Variants in CAMK1D observed in about 807,000 individuals in gnomAD.
The protein encoded by CAMK1D is calcium/calmodulin-dependent protein kinase type 1D.
Under a neutral mutation model 47.7 loss-of-function variants are expected in CAMK1D, and 9 were observed. The observed-to-expected ratio is 0.19, with a 90% CI of 0.11 to 0.33. The LOEUF is 0.33. Among genes scored for constraint, CAMK1D ranks in the 10% least tolerant of loss-of-function variants. The probability of loss-of-function intolerance (pLI) is 1.00; values close to 1 mark genes in which losing one functional copy is unlikely to be tolerated. For missense variants in CAMK1D, 291 were observed against 488.7 expected (o/e 0.60, Z 3.81); for synonymous variants, 184 against 184.9 (o/e 0.99, Z 0.04).
At chr10:12,491,787 CTT>C (rs1834391802) in intron 1 of CAMK1D, among the ~76,000 whole-genome samples, 1 of 151,988 alleles carries the variant, frequency 6.6e-6, no homozygotes, top group Non-Finnish European at 1.5e-5. Context: ...TAATGAATTT[CTT>C]TTTTTTCTTT....
At chr10:12,543,781 C>T (rs1011838028) in intron 1 of CAMK1D, among the ~76,000 whole-genome samples, 8 of 152,164 alleles carry the variant, frequency 5.3e-5, no homozygotes, top group African/African-American at 9.7e-5. Context: ...ACTCACTGGT[C>T]GCTTGGACCT....
At chr10:12,688,842 C>A (rs558874807) in intron 3 of CAMK1D, among the ~76,000 whole-genome samples, 1 of 152,256 alleles carries the variant, frequency 6.6e-6, no homozygotes, top group South Asian at 2.1e-4. Context: ...CTCCACCATG[C>A]CCGACTCATT....
At chr10:12,699,998 CA>C (rs59423702) in intron 3 of CAMK1D, among the ~76,000 whole-genome samples, 139 of 146,792 alleles carry the variant, frequency 9.5e-4, no homozygotes, top group Admixed American at 2.3e-3. Context: ...TATTTTGGTG[CA>C]AAAAAAAAAT....
chr10:12,419,522 A>G (rs574307417), intron 1 of CAMK1D, among the ~76,000 whole-genome samples: 1 of 152,140 alleles, frequency 6.6e-6, no homozygotes, highest in South Asian at 2.1e-4. Context: ...CATATTAGAC[A>G]TGAGTCACCG....
In CAMK1D at chr10:12,366,527, C is replaced by T. The variant is rs139131708; in HGVS notation, c.92+16617C>T. Among the ~76,000 whole-genome samples, 651 of 151,552 alleles carry T rather than the reference C, an allele frequency of 4.3e-3. 28 individuals are homozygous for T. The South Asian group carries it at 0.082, about 19-fold the overall frequency. ...AAAAAAAATTAGCCAGGCCTGGTAG[C>T]GCATGCCTGTAATCCTGGCTACTCG... On this transcript the variant is annotated intron_variant, in intron 1 of 10. Coordinates refer to ENST00000619168, the MANE Select transcript of CAMK1D (RefSeq NM_153498.4).
At chr10:12,760,661 C>G (rs1433112089) in intron 3 of CAMK1D, 1 of 263,310 alleles carries the variant, frequency 3.8e-6, no homozygotes, top group Non-Finnish European at 7.4e-6. Context: ...TTTTTTTAAA[C>G]TTTACATCAT....
intron 1 of CAMK1D, among the ~76,000 whole-genome samples, chr10:12,523,782 G>C (rs1835523666): frequency 6.6e-6 from 1 of 152,180 alleles, no homozygotes; most frequent in Admixed American, 6.5e-5. Context: ...GGGAGAGGGA[G>C]CGGGAGAGGT....
chr10:12,529,515 A>T (rs1358460638), intron 1 of CAMK1D, among the ~76,000 whole-genome samples: 1 of 152,218 alleles, frequency 6.6e-6, no homozygotes, highest in Non-Finnish European at 1.5e-5. Context: ...TACCCTCCTT[A>T]TGAATCTGTA....
At chr10:12,695,334 C>T (rs1271643420) in intron 3 of CAMK1D, among the ~76,000 whole-genome samples, 4 of 152,100 alleles carry the variant, frequency 2.6e-5, no homozygotes, top group African/African-American at 9.7e-5. Context: ...TAAGTCCCCA[C>T]CCCTCCAATA....
intron 2 of CAMK1D, among the ~76,000 whole-genome samples, chr10:12,635,479 G>A (rs1370148429): frequency 4.6e-5 from 7 of 152,240 alleles, no homozygotes; most frequent in African/African-American, 1.7e-4. Flanking sequence ...AGCCCACGGC[G>A]CAGTGCAGGA....
At chr10:12,621,610 T>C (rs938270812) in intron 2 of CAMK1D, among the ~76,000 whole-genome samples, 1 of 152,258 alleles carries the variant, frequency 6.6e-6, no homozygotes, top group African/African-American at 2.4e-5. Context: ...TGATTGTAAA[T>C]GGCATTTTAA....
chr10:12,810,125 G>C (rs1222652476), intron 6 of CAMK1D, among the ~76,000 whole-genome samples: 1 of 140,078 alleles, frequency 7.1e-6, no homozygotes, highest in Non-Finnish European at 1.5e-5. Context: ...TTCCAGTCTG[G>C]GTGACAGAGA....
At chr10:12,467,564 G>A (rs1245282482) in intron 1 of CAMK1D, among the ~76,000 whole-genome samples, 1 of 152,150 alleles carries the variant, frequency 6.6e-6, no homozygotes, top group Non-Finnish European at 1.5e-5. Flanking sequence ...TGCACTGAAT[G>A]TCAAAATATT....
At chr10:12,423,207 C>G (rs1840115828) in intron 1 of CAMK1D, among the ~76,000 whole-genome samples, 1 of 152,098 alleles carries the variant, frequency 6.6e-6, no homozygotes, top group African/African-American at 2.4e-5. Flanking sequence ...GACCACTTAG[C>G]TGTATCATAA....
chr10:12,526,560 T>C (rs183982425), intron 1 of CAMK1D, among the ~76,000 whole-genome samples: 166 of 152,302 alleles, frequency 1.1e-3, no homozygotes, highest in South Asian at 2.3e-3. Flanking sequence ...TACGTGATTT[T>C]GCTATTTTGC....
chr10:12,400,599 A>T (rs150744264), intron 1 of CAMK1D, among the ~76,000 whole-genome samples: 1 of 152,184 alleles, frequency 6.6e-6, no homozygotes, highest in East Asian at 1.9e-4. Context: ...ATCCCTACTA[A>T]ATAGTATATA....
chr10:12,748,496 A>C (rs1338622551), intron 3 of CAMK1D, among the ~76,000 whole-genome samples: 1 of 152,190 alleles, frequency 6.6e-6, no homozygotes, highest in East Asian at 1.9e-4. Context: ...AGAGGAAAAG[A>C]CAAGAGTTCC....
At chr10:12,681,721 A>T (rs1477387219) in intron 3 of CAMK1D, among the ~76,000 whole-genome samples, 1 of 152,240 alleles carries the variant, frequency 6.6e-6, no homozygotes, top group Non-Finnish European at 1.5e-5. Context: ...TATCAAACTT[A>T]TTTGTCAACA....
intron 1 of CAMK1D, among the ~76,000 whole-genome samples, chr10:12,523,106 GA>G (rs1835490322): frequency 6.6e-6 from 1 of 151,764 alleles, no homozygotes; most frequent in Non-Finnish European, 1.5e-5. Flanking sequence ...TCACTTCTCA[GA>G]CGGGGCGGCT....
Sources: gnomAD v4.1 joint callset for allele counts (sites outside exome capture counted in the v4.1 genomes callset) on GRCh38, gnomAD v4.1.1 for gene constraint, MANE v1.5 for transcripts, NCBI Gene and HGNC (gene_info 2026-07-23, HGNC 2026-07-21) for gene names.